Variants in PDE4D observed in about 807,000 individuals in gnomAD.
PDE4D encodes the protein 3',5'-cyclic-AMP phosphodiesterase 4D.
In PDE4D, 24 loss-of-function variants were observed where a neutral mutation model predicts 87.4. That is an observed-to-expected ratio of 0.27 (90% CI 0.20 to 0.39). The LOEUF is 0.39. Ranked by LOEUF, PDE4D falls within the 10% of genes least tolerant of loss-of-function variation. The pLI is 1.00. For synonymous variants in PDE4D, 384 were observed against 383.2 expected (o/e 1.00, Z -0.02); for missense variants, 714 against 1,041.0 (o/e 0.69, Z 4.32).
At chr5:60,211,697 G>A (rs1458764388) in intron 1 of PDE4D, among the ~76,000 whole-genome samples, 1 of 151,748 alleles carries the variant, frequency 6.6e-6, no homozygotes, top group Admixed American at 6.6e-5. Context: ...ACAGAAAAGA[G>A]AGAACTAGAA....
At position 59,297,219 on chromosome 5, in the gene PDE4D, T is replaced by C. The variant is rs142562404; in HGVS notation, c.456-81251A>G. ...CGACAGCTTCAGAGTTAACATCCTA[T>C]AAAGGAATCTATCAACATTGTGACA... On this transcript the variant is annotated intron_variant, in intron 1 of 14. Coordinates refer to ENST00000340635, the MANE Select transcript of PDE4D (RefSeq NM_001104631.2). Among the ~76,000 whole-genome samples the C allele has an allele frequency of 2.3e-3, 350 of 152,288 alleles. 2 individuals are homozygous for C. The highest frequency in any genetic ancestry group is 8.1e-3 in the African/African-American group (335 of 41,568).
chr5:60,089,040 T>A (rs760735188), intron 2 of PDE4D, among the ~76,000 whole-genome samples: 1 of 151,912 alleles, frequency 6.6e-6, no homozygotes, highest in Non-Finnish European at 1.5e-5. Flanking sequence ...AATTATCAGA[T>A]AAAACAGACC....
At chr5:60,002,440 A>T (rs1374943078) in intron 2 of PDE4D, among the ~76,000 whole-genome samples, 1 of 152,146 alleles carries the variant, frequency 6.6e-6, no homozygotes, top group Non-Finnish European at 1.5e-5. Context: ...TTACCAACAG[A>T]CCAGAATCAG....
chr5:60,287,333 G>T (rs1034756375), intron 1 of PDE4D, among the ~76,000 whole-genome samples: 6 of 152,140 alleles, frequency 3.9e-5, no homozygotes, highest in Non-Finnish European at 8.8e-5. Flanking sequence ...GATGGGTTGA[G>T]GTGCCATGAA....
chr5:60,187,626 G>T (rs971248879), intron 1 of PDE4D, among the ~76,000 whole-genome samples: 9 of 152,066 alleles, frequency 5.9e-5, no homozygotes, highest in Admixed American at 2.0e-4. Flanking sequence ...TAAAAAATTT[G>T]CCTTGAAATC....
chr5:59,957,553 TTGGTAGTATAGAGAAAAGGAATA>T (rs1758974172), intron 3 of PDE4D, among the ~76,000 whole-genome samples: 1 of 152,036 alleles, frequency 6.6e-6, no homozygotes, highest in Non-Finnish European at 1.5e-5. Flanking sequence ...GGAGTGGCTG[TTGGTAGTATAGAGAAAAGGAATA>T]TAACATGTAT....
At chr5:59,926,902 C>T (rs923786101) in intron 3 of PDE4D, among the ~76,000 whole-genome samples, 1 of 152,104 alleles carries the variant, frequency 6.6e-6, no homozygotes, top group Non-Finnish European at 1.5e-5. Flanking sequence ...CAAAGAAAAG[C>T]CCAGGATCTG....
At chr5:59,781,745 A>G (rs1182381402) in intron 1 of PDE4D, among the ~76,000 whole-genome samples, 3 of 128,838 alleles carry the variant, frequency 2.3e-5, no homozygotes, top group African/African-American at 9.0e-5. Flanking sequence ...AGATCGCACC[A>G]CTGCACTCCA....
At chr5:60,128,153 A>T (rs1779271057) in intron 2 of PDE4D, among the ~76,000 whole-genome samples, 2 of 152,230 alleles carry the variant, frequency 1.3e-5, no homozygotes, top group South Asian at 4.1e-4. Flanking sequence ...GGGATAACTT[A>T]TCCAAAACTG....
intron 1 of PDE4D, among the ~76,000 whole-genome samples, chr5:59,720,424 A>G (rs1755664141): frequency 6.6e-6 from 1 of 152,150 alleles, no homozygotes; most frequent in African/African-American, 2.4e-5. Flanking sequence ...TATTATAGGT[A>G]TGAGCCAAAG....
chr5:59,358,298 C>T (rs376658948), intron 1 of PDE4D, among the ~76,000 whole-genome samples: 1 of 152,266 alleles, frequency 6.6e-6, no homozygotes, highest in African/African-American at 2.4e-5. Context: ...ACAGCAGCAA[C>T]CTTGGAGGAG....
chr5:59,305,036 G>A (rs975970468), intron 1 of PDE4D, among the ~76,000 whole-genome samples: 6 of 151,900 alleles, frequency 3.9e-5, no homozygotes, highest in African/African-American at 1.5e-4. Flanking sequence ...ACTTCTTTTT[G>A]TTGATAATTT....
At chr5:59,408,534 T>C (rs1002753707) in intron 1 of PDE4D, among the ~76,000 whole-genome samples, 1 of 152,118 alleles carries the variant, frequency 6.6e-6, no homozygotes, top group Non-Finnish European at 1.5e-5. Context: ...CATTGCCTAG[T>C]GGAACTGTGG....
chr5:59,401,486 A>G (rs868676164), intron 1 of PDE4D, among the ~76,000 whole-genome samples: 2 of 88,708 alleles, frequency 2.3e-5, no homozygotes, highest in South Asian at 3.5e-4. Context: ...CTATCTATCT[A>G]TTTTGATCCC....
chr5:59,712,947 C>A (rs568800488), intron 1 of PDE4D, among the ~76,000 whole-genome samples: 2 of 152,094 alleles, frequency 1.3e-5, no homozygotes, highest in Non-Finnish European at 2.9e-5. Context: ...TTTACTATAA[C>A]ACTGGAATAT....
intron 1 of PDE4D, among the ~76,000 whole-genome samples, chr5:59,599,023 G>A (rs1827110652): frequency 6.6e-6 from 1 of 152,090 alleles, no homozygotes; most frequent in South Asian, 2.1e-4. Context: ...GAGCAGAGGT[G>A]TTTTAAAGAT....
At chr5:59,498,637 A>G (rs1430132177) in intron 1 of PDE4D, among the ~76,000 whole-genome samples, 1 of 152,026 alleles carries the variant, frequency 6.6e-6, no homozygotes, top group Admixed American at 6.5e-5. Flanking sequence ...CTATTCTAAT[A>G]TCAGAAAAAA....
intron 2 of PDE4D, among the ~76,000 whole-genome samples, chr5:60,044,828 T>C (rs1255249632): frequency 1.3e-5 from 2 of 152,198 alleles, no homozygotes; most frequent in Admixed American, 1.3e-4. Flanking sequence ...TAAACATACG[T>C]GTGCATGTGT....
chr5:59,824,985 G>A (rs890652228), intron 1 of PDE4D, among the ~76,000 whole-genome samples: 3 of 152,094 alleles, frequency 2.0e-5, no homozygotes, highest in African/African-American at 4.8e-5. Flanking sequence ...ACCACTCTTG[G>A]ATTGGTAATA....
Sources: gnomAD v4.1 joint callset for allele counts (sites outside exome capture counted in the v4.1 genomes callset) on GRCh38, gnomAD v4.1.1 for gene constraint, MANE v1.5 for transcripts, NCBI Gene and HGNC (gene_info 2026-07-23, HGNC 2026-07-21) for gene names.